The following LAPTM5 variants were observed in gnomAD, a reference collection of about 807,000 sequenced individuals.
The protein encoded by LAPTM5 is lysosomal protein transmembrane 5.
A neutral mutation model predicts 30.1 loss-of-function variants in LAPTM5; 11 were observed. That is an observed-to-expected ratio of 0.37 (90% CI 0.23 to 0.60). The LOEUF is 0.60. Among genes scored for constraint, LAPTM5 ranks in the 20% least tolerant of loss-of-function variants. The pLI is 0.71. For missense variants in LAPTM5, 324 were observed against 332.5 expected (o/e 0.97, Z 0.20); for synonymous variants, 151 against 137.9 (o/e 1.10, Z -0.67).
chr1:30,749,523 G>A (rs1385127207), intron 1 of LAPTM5, among the ~76,000 whole-genome samples: 1 of 152,162 alleles, frequency 6.6e-6, no homozygotes, highest in African/African-American at 2.4e-5. Flanking sequence ...GAGATTGGCT[G>A]GCACCTCCTG....
chr1:30,744,442 T>C (rs1006641752), intron 1 of LAPTM5, among the ~76,000 whole-genome samples: 4 of 152,156 alleles, frequency 2.6e-5, no homozygotes, highest in African/African-American at 9.7e-5. Context: ...TCCCTGTTCC[T>C]GGGAGTATGT....
At chr1:30,747,799 C>T (rs1324561619) in intron 1 of LAPTM5, among the ~76,000 whole-genome samples, 13 of 152,082 alleles carry the variant, frequency 8.5e-5, no homozygotes, top group African/African-American at 3.1e-4. Flanking sequence ...AACAGTGCAC[C>T]AGGTGTCACC....
At chr1:30,757,556 C>T in intron 1 of LAPTM5, 103 bp downstream of exon 1, 4 of 1,187,276 alleles carry the variant, frequency 3.4e-6, no homozygotes, top group Non-Finnish European at 4.9e-6. Flanking sequence ...AGGTGGAGAG[C>T]AGGAGTTCTT....
chr1:30,740,399 T>TCCCCCCCCCCCCCCCCCC (rs148522746), intron 3 of LAPTM5, among the ~76,000 whole-genome samples: 3 of 103,186 alleles, frequency 2.9e-5, no homozygotes, highest in Non-Finnish European at 4.0e-5. Flanking sequence ...AGAGAGCCCC[T>TCCCCCCCCCCCCCCCCCC]CCCCCCCACC....
intron 7 of LAPTM5, among the ~76,000 whole-genome samples, chr1:30,734,415 A>T (rs1639858179): frequency 6.6e-6 from 1 of 152,184 alleles, no homozygotes; most frequent in Non-Finnish European, 1.5e-5. Context: ...TTTTGCCACC[A>T]CAAGGGATGG....
At chr1:30,753,844 C>T (rs1177544063) in intron 1 of LAPTM5, among the ~76,000 whole-genome samples, 1 of 152,208 alleles carries the variant, frequency 6.6e-6, no homozygotes, top group African/African-American at 2.4e-5. Context: ...AATAGAGGAA[C>T]TAGGCATGGG....
chr1:30,743,795 G>GTTTT (rs756356075), intron 1 of LAPTM5, among the ~76,000 whole-genome samples: 42,333 of 107,360 alleles, frequency 0.39, 9,329 homozygotes, highest in Admixed American at 0.48. Context: ...GACTGTGTGG[G>GTTTT]TTTTTTTTTT....
At chr1:30,735,101 G>A (rs1639867042) in intron 7 of LAPTM5, 72 bp downstream of exon 7, 1 of 1,021,398 alleles carries the variant, frequency 9.8e-7, no homozygotes, top group African/African-American at 1.6e-5. Context: ...GGTCCAGAGA[G>A]GGAAGGAAAC....
intron 1 of LAPTM5, among the ~76,000 whole-genome samples, chr1:30,753,252 C>A (rs1324946204): frequency 6.6e-6 from 1 of 151,982 alleles, no homozygotes; most frequent in African/African-American, 2.4e-5. Context: ...TGAGAAATTC[C>A]AAGTAATTTA....
In LAPTM5 at chr1:30,739,983, A is replaced by AACACTCCGCC; in HGVS notation, c.259-56_259-47dup. The AACACTCCGCC allele has an allele frequency of 6.6e-7, 1 of 1,507,948 alleles. No homozygotes were observed. Among genetic ancestry groups the AACACTCCGCC allele is most frequent in the Non-Finnish European group, 8.9e-7 (1 of 1,120,842 alleles). The allele number at this position is 1,507,948 out of a possible 1,614,324, so 93.4% of individuals were successfully genotyped here. A position where few individuals can be genotyped will look rare whatever the true frequency, so the allele number is the denominator to read the frequency against. On this transcript the variant is annotated intron_variant, in intron 3 of 7. Coordinates refer to ENST00000294507, the MANE Select transcript of LAPTM5 (RefSeq NM_006762.3). This position sits in a 1 kb window ranked among gnomAD's most constrained non-coding sequence, Gnocchi z 4.2. ...CGTCAAGTGTCCCCTGCATGCAGCC[A>AACACTCCGCC]ACACTCCGCCACCCAGCCTGATATC...
intron 1 of LAPTM5, among the ~76,000 whole-genome samples, chr1:30,749,597 G>A (rs1037331586): frequency 2.0e-5 from 3 of 152,186 alleles, no homozygotes; most frequent in Non-Finnish European, 2.9e-5. Flanking sequence ...GAGCATCCAG[G>A]CCAGAGGGCA....
At position 30,739,817 on chromosome 1, in the gene LAPTM5, T is replaced by C. The variant is rs769516896; in HGVS notation, c.379A>G (p.Ser127Gly). 2.5e-6 allele frequency: 4 copies of C among 1,602,862 alleles called. No homozygotes were observed. Among genetic ancestry groups the C allele is most frequent in the Non-Finnish European group, 3.4e-6 (4 of 1,174,286 alleles). ...GGGGGCTGGGTACTCACAGCACGGC[T>C]CCGGGAGGCCAACTTGAGGTAGGCG... ...LPAYLKLASR[S>G]RASSSKFPLM... The change falls in exon 4 of 8, where the codon AGC becomes GGC. Residue 127 changes from serine (S) to glycine (G), a missense_variant. By Grantham distance (56) the Ser-to-Gly change is moderately conservative. Transcript: ENST00000294507. The surrounding 1 kb of genome is among the most constrained non-coding windows in gnomAD (Gnocchi z 4.2).
chr1:30,753,925 A>G (rs1283939641), intron 1 of LAPTM5, among the ~76,000 whole-genome samples: 1 of 152,254 alleles, frequency 6.6e-6, no homozygotes, highest in African/African-American at 2.4e-5. Flanking sequence ...GTACGTGCTC[A>G]TTGTACCAAA....
chr1:30,752,375 C>T (rs961040056), intron 1 of LAPTM5, among the ~76,000 whole-genome samples: 13 of 152,206 alleles, frequency 8.5e-5, no homozygotes, highest in African/African-American at 3.1e-4. Context: ...GGGCAGGTCC[C>T]ACCCCTGGGG....
chr1:30,749,833 T>G (rs1183542566), intron 1 of LAPTM5, among the ~76,000 whole-genome samples: 3 of 152,204 alleles, frequency 2.0e-5, no homozygotes, highest in Non-Finnish European at 2.9e-5. Context: ...AAACTGTGAT[T>G]TGGCGTCATC....
At position 30,752,420 on chromosome 1, in the gene LAPTM5, C is replaced by T. The variant is rs566720319; in HGVS notation, c.87+5239G>A. The stretch of plus-strand genomic sequence containing the variant: ...CCCTCCTCCCCGACACACCTCGTGG[C>T]CACCCCTCCTAACCCAGCTTGACAA... On this transcript the variant is annotated intron_variant, in intron 1 of 7. Transcript: ENST00000294507. Among the ~76,000 whole-genome samples, 30 of 152,328 alleles carry T rather than the reference C, an allele frequency of 2.0e-4. No homozygotes were observed. The South Asian group carries it at 2.9e-3, about 15-fold the overall frequency.
chr1:30,747,010 C>G (rs1175775223), intron 1 of LAPTM5, among the ~76,000 whole-genome samples: 1 of 152,118 alleles, frequency 6.6e-6, no homozygotes, highest in Non-Finnish European at 1.5e-5. Flanking sequence ...CCTGGCGTGC[C>G]GGTGTCACAG....
intron 1 of LAPTM5, among the ~76,000 whole-genome samples, chr1:30,750,993 A>G (rs745872473): frequency 7.2e-5 from 11 of 152,212 alleles, no homozygotes; most frequent in Non-Finnish European, 1.3e-4. Flanking sequence ...TCCCCTGGGA[A>G]ACCAACGCTC....
Position 30,733,735 on chromosome 1 carries a change from G to T in LAPTM5, c.*93C>A. 6.5e-7 allele frequency: 1 copy of T among 1,532,106 alleles called. No individual in the cohort carries two copies. 94.9% of individuals were successfully genotyped at this position (1,532,106 alleles called of 1,614,324 possible). A position where few individuals can be genotyped will look rare whatever the true frequency, so the allele number is the denominator to read the frequency against. On this transcript the variant is annotated 3_prime_UTR_variant, in exon 8 of 8. Transcript: ENST00000294507. ...TTGTCCTGCCAGGGAGGGGCGGGAG[G>T]GCCCACCCAGGCCACAGGGGCCACC...
Sources: allele counts gnomAD v4.1 joint callset (sites outside exome capture counted in the v4.1 genomes callset), GRCh38; gene constraint gnomAD v4.1.1; non-coding constraint Gnocchi (gnomAD v3.1); transcripts MANE v1.5; gene names NCBI Gene and HGNC (gene_info 2026-07-23, HGNC 2026-07-21).